Variants in DEPDC1 observed in about 807,000 individuals in gnomAD.
The protein encoded by DEPDC1 is DEP domain containing 1.
DEPDC1 carries 66 observed loss-of-function variants against 86.8 expected under a neutral mutation model. The observed-to-expected ratio is 0.76, with a 90% CI of 0.62 to 0.93. The LOEUF is 0.93. DEPDC1 is among the 40% of genes least tolerant of loss of function. The pLI is 0.00. For missense variants in DEPDC1, 792 were observed against 935.7 expected, an observed-to-expected ratio of 0.85 and a Z score of 2.00; for synonymous variants, 255 against 314.9, an observed-to-expected ratio of 0.81 and a Z score of 2.02.
At chr1:68,490,513 T>C (rs1646222866) in intron 2 of DEPDC1, among the ~76,000 whole-genome samples, 1 of 152,176 alleles carries the variant, frequency 6.6e-6, no homozygotes, top group Non-Finnish European at 1.5e-5. Flanking sequence ...TGAGGGACAT[T>C]CAGGTTGACT....
At chr1:68,486,335 T>C (rs141221705) in intron 6 of DEPDC1, among the ~76,000 whole-genome samples, 41 of 152,148 alleles carry the variant, frequency 2.7e-4, no homozygotes, top group Non-Finnish European at 5.4e-4. Flanking sequence ...ATGTAAGACA[T>C]GCCTGCTTCC....
At chr1:68,488,660 A>T (rs1646209459) in intron 4 of DEPDC1, among the ~76,000 whole-genome samples, 156 bp from the exon 5 acceptor site, 1 of 151,840 alleles carries the variant, frequency 6.6e-6, no homozygotes, top group Non-Finnish European at 1.5e-5. Context: ...TATCTCAATA[A>T]TCTTAAAAGG....
chr1:68,482,913 A>C lies in DEPDC1; in HGVS notation c.911-16T>G, dbSNP rs750893872. The C allele has an allele frequency of 6.5e-7, 1 of 1,540,938 alleles. No individual in the cohort carries two copies. Among genetic ancestry groups the C allele is most frequent in the Non-Finnish European group, 8.7e-7 (1 of 1,149,828 alleles). On this transcript the variant is annotated splice_polypyrimidine_tract_variant and intron_variant, in intron 7 of 11. Coordinates refer to ENST00000456315, the MANE Select transcript of DEPDC1 (RefSeq NM_001114120.3). ...CCACAAACAACTACCAGGAAATGAA[A>C]CAAAAATTAAGATGCAACTGTATGA...
chr1:68,486,409 A>C (rs969866952), intron 6 of DEPDC1, among the ~76,000 whole-genome samples: 12 of 151,978 alleles, frequency 7.9e-5, no homozygotes, highest in African/African-American at 2.9e-4. Context: ...CATGTTTCCT[A>C]TACAACCTGT....
intron 8 of DEPDC1, 33 bp from the exon 9 acceptor site, chr1:68,481,645 C>T: frequency 6.6e-7 from 1 of 1,524,182 alleles, no homozygotes; most frequent in South Asian, 1.2e-5. Context: ...CAAAAATCAT[C>T]AATGACACTA....
rs764571403 is a variant in DEPDC1 at position 68,477,992 on chromosome 1, A to G, written c.2113-20T>C. ...TTCAATCTGTAGTGATCAAAATGATATAACTCTGTTAATTCTGGTCATGTT... is the reference window on the plus strand; with the variant it reads ...TTCAATCTGTAGTGATCAAAATGATGTAACTCTGTTAATTCTGGTCATGTT... On this transcript the variant is annotated intron_variant, in intron 10 of 11. Transcript: ENST00000456315. The G allele has an allele frequency of 2.0e-6, 3 of 1,475,742 alleles. No individual in the cohort carries two copies. Among genetic ancestry groups the G allele is most frequent in the Non-Finnish European group, 2.7e-6 (3 of 1,104,176 alleles). 91.4% of individuals were successfully genotyped at this position (1,475,742 alleles called of 1,614,324 possible). A position where few individuals can be genotyped will look rare whatever the true frequency, so the allele number is the denominator to read the frequency against.
chr1:68,483,084 G>A lies in DEPDC1; in HGVS notation c.911-187C>T, dbSNP rs1175354431. The A allele has an allele frequency of 6.4e-6, 4 of 621,808 alleles. No individual in the cohort carries two copies. The East Asian group carries it at 8.5e-5, about 13-fold the overall frequency. 38.5% of individuals were successfully genotyped at this position (621,808 alleles called of 1,614,324 possible). A position where few individuals can be genotyped will look rare whatever the true frequency, so the allele number is the denominator to read the frequency against. Reference sequence around the variant, plus strand: ...ACATGCAACATTCGGTTACAAACGTGCAAGACAGATGAGTGGTTTTCCCAT... The same window carrying A: ...ACATGCAACATTCGGTTACAAACGTACAAGACAGATGAGTGGTTTTCCCAT... On this transcript the variant is annotated intron_variant, in intron 7 of 11. Transcript: ENST00000456315.
chr1:68,487,193 T>C (rs1037107709), intron 5 of DEPDC1, among the ~76,000 whole-genome samples: 1 of 152,006 alleles, frequency 6.6e-6, no homozygotes, highest in African/African-American at 2.4e-5. Flanking sequence ...AGAAAAAGTC[T>C]GAAAAAATTA....
rs1646163005 is a variant in DEPDC1, at chr1:68,482,431, A to C, written c.1377T>G (p.Ser459=). Residue 459 remains serine, a synonymous_variant, in exon 8 of 12, where the codon TCT becomes TCG. Coordinates refer to ENST00000456315, the MANE Select transcript of DEPDC1 (RefSeq NM_001114120.3). ...TCAACAGGAATTCCTGTTTGGGCTT[A>C]GACTCTAAAAACAGTTTATTATTTT... is the stretch of plus-strand genomic sequence containing the variant. The part of the protein sequence containing the change: ...EGQNNKLFLE[S]KPKQEFLLNL... The C allele has an allele frequency of 1.2e-6, 2 of 1,612,746 alleles. No homozygotes were observed.
intron 5 of DEPDC1, 71 bp downstream of exon 5, chr1:68,488,303 C>G: frequency 7.0e-7 from 1 of 1,426,730 alleles, no homozygotes; most frequent in Non-Finnish European, 9.3e-7. Flanking sequence ...ATTTGGGTCT[C>G]TCTTTACACT....
At chr1:68,477,760 T>C in intron 11 of DEPDC1, 27 bp downstream of exon 11, 5 of 1,372,756 alleles carry the variant, frequency 3.6e-6, no homozygotes, top group Non-Finnish European at 4.9e-6. Flanking sequence ...AATGTTTACA[T>C]GATTGAGAAC....
At chr1:68,492,269 T>C (rs1461351244) in intron 2 of DEPDC1, among the ~76,000 whole-genome samples, 1 of 152,216 alleles carries the variant, frequency 6.6e-6, no homozygotes, top group Non-Finnish European at 1.5e-5. Context: ...TGTATATACA[T>C]GTACTAAGTA....
rs1287532244 is a variant in DEPDC1 at position 68,479,330 on chromosome 1, T to C, written c.1936-10A>G. ...AAAAGGTATGTATCATCTAGAAAAA[T>C]ATTAAAAGATGTGAATTTAAAAAGC... On this transcript the variant is annotated splice_polypyrimidine_tract_variant and intron_variant, in intron 9 of 11. Coordinates refer to ENST00000456315, the MANE Select transcript of DEPDC1 (RefSeq NM_001114120.3). 1.3e-6 allele frequency: 2 copies of C among 1,551,800 alleles called. No homozygotes were observed. Among genetic ancestry groups the C allele is most frequent in the Non-Finnish European group, 1.7e-6 (2 of 1,148,540 alleles).
chr1:68,483,798 G>A (rs949630328), intron 7 of DEPDC1, 152 bp downstream of exon 7: 8 of 520,184 alleles, frequency 1.5e-5, no homozygotes, highest in Non-Finnish European at 2.6e-5. Context: ...CTGGGCGGAA[G>A]TATGAGTAAC....
In DEPDC1 at chr1:68,484,089, C is replaced by A; in HGVS notation, c.771G>T (p.Trp257Cys). 1 of 1,545,532 alleles carries A rather than the reference C, an allele frequency of 6.5e-7. No homozygotes were observed. Among genetic ancestry groups the A allele is most frequent in the Non-Finnish European group, 8.7e-7 (1 of 1,154,028 alleles). ...VLSAMKCLAN[W>C]PRSNDMNNPT... is the part of the protein sequence containing the mutation. ...GATTATTCATATCATTGCTTCTTGG[C>A]CCTAAGAAGTAGAAGGCAAGAGAAA... The change falls in exon 7 of 12, where the codon TGG becomes TGT. Residue 257 changes from tryptophan (W) to cysteine (C), a missense_variant and splice_region_variant. Physicochemically the swap from Trp to Cys is radical, Grantham distance 215 (BLOSUM62 -2). Coordinates refer to ENST00000456315, the MANE Select transcript of DEPDC1 (RefSeq NM_001114120.3).
Position 68,476,765 on chromosome 1 carries a change from G to A in DEPDC1, c.*167C>T, listed in dbSNP as rs535098066. The A allele has an allele frequency of 4.6e-4, 259 of 563,372 alleles. 1 individual carries two copies. In the African/African-American group the frequency reaches 4.7e-3, roughly 10 times the overall value. The allele number at this position is 563,372 out of a possible 1,614,324, so 34.9% of individuals were successfully genotyped here. On this transcript the variant is annotated 3_prime_UTR_variant, in exon 12 of 12. Transcript: ENST00000456315. ...TGTGCTCTCAATTGAGATCTAGTTA[G>A]TTTCCTAAGAGTCTCACATTGATAA...
At chr1:68,487,667 A>T (rs1488556638) in intron 5 of DEPDC1, among the ~76,000 whole-genome samples, 1 of 151,930 alleles carries the variant, frequency 6.6e-6, no homozygotes, top group African/African-American at 2.4e-5. Context: ...TTAAAAACTC[A>T]AAGTTCTTGC....
At chr1:68,487,127 G>T (rs891618016) in intron 5 of DEPDC1, 143 bp from the exon 6 acceptor site, 1 of 611,126 alleles carries the variant, frequency 1.6e-6, no homozygotes, top group Non-Finnish European at 2.5e-6. Context: ...GTATTACCAG[G>T]ATTAAAAAGT....
At chr1:68,481,761 G>T in intron 8 of DEPDC1, 149 bp from the exon 9 acceptor site, 1 of 679,360 alleles carries the variant, frequency 1.5e-6, no homozygotes, top group Non-Finnish European at 2.3e-6. Flanking sequence ...TCTAAAGCAT[G>T]GTAAGATTCT....
Sources: allele counts gnomAD v4.1 joint callset (sites outside exome capture counted in the v4.1 genomes callset), GRCh38; gene constraint gnomAD v4.1.1; transcripts MANE v1.5; gene names NCBI Gene and HGNC (gene_info 2026-07-23, HGNC 2026-07-21).